Variants in SLC35F3 observed in about 807,000 individuals in gnomAD.
The protein encoded by SLC35F3 is solute carrier family 35 member F3.
SLC35F3 carries 25 observed loss-of-function variants against 49.9 expected under a neutral mutation model. The ratio of observed to expected loss-of-function variants is 0.50; its 90% CI spans 0.37 to 0.70. SLC35F3 has a LOEUF of 0.70. Ranked by LOEUF, SLC35F3 falls within the 30% of genes least tolerant of loss-of-function variation. The probability of loss-of-function intolerance (pLI) is 0.00; values close to 1 mark genes in which losing one functional copy is unlikely to be tolerated. For missense variants in SLC35F3, 525 were observed against 639.8 expected, an observed-to-expected ratio of 0.82 and a Z score of 1.94; for synonymous variants, 275 against 265.4, an observed-to-expected ratio of 1.04 and a Z score of -0.35.
At chr1:234,180,196 C>T (rs1666536454) in intron 2 of SLC35F3, among the ~76,000 whole-genome samples, 2 of 152,174 alleles carry the variant, frequency 1.3e-5, no homozygotes, top group African/African-American at 4.8e-5. Context: ...CACTGTGGGG[C>T]TCTCTGACTT....
intron 2 of SLC35F3, among the ~76,000 whole-genome samples, chr1:234,197,963 C>T (rs939416672): frequency 6.6e-6 from 1 of 152,224 alleles, no homozygotes; most frequent in East Asian, 1.9e-4. Context: ...CAATAAGCTA[C>T]ACAAACTCTG....
At chr1:233,951,920 C>T (rs1182173052) in intron 2 of SLC35F3, among the ~76,000 whole-genome samples, 5 of 151,554 alleles carry the variant, frequency 3.3e-5, no homozygotes, top group Admixed American at 2.0e-4. Context: ...TTACTTTGTT[C>T]ATTATTTGAG....
At chr1:233,926,060 T>C (rs545629562) in intron 2 of SLC35F3, among the ~76,000 whole-genome samples, 91 of 152,340 alleles carry the variant, frequency 6.0e-4, no homozygotes, top group African/African-American at 2.1e-3. Flanking sequence ...CTGGCTGCCC[T>C]TAACATTTTT....
intron 2 of SLC35F3, among the ~76,000 whole-genome samples, chr1:234,097,356 TA>T (rs1439761268): frequency 6.6e-6 from 1 of 152,068 alleles, no homozygotes; most frequent in Non-Finnish European, 1.5e-5. Context: ...AAAAGAAAAT[TA>T]AAAAGATGTC....
chr1:234,238,621 C>G lies in SLC35F3; in HGVS notation c.608+6880C>G, dbSNP rs1001735778. 5.9e-5 allele frequency among the ~76,000 whole-genome samples: 9 copies of G among 152,132 alleles called. No homozygotes were observed. The South Asian group carries it at 1.7e-3, about 28-fold the overall frequency. On this transcript the variant is annotated intron_variant, in intron 3 of 7. Coordinates refer to ENST00000366618, the MANE Select transcript of SLC35F3 (RefSeq NM_173508.4). ...TTATTTTTCCTCTGGCATCTCCCCC[C>G]ACCCCACCACCACATCTCAGTTAAC...
intron 2 of SLC35F3, among the ~76,000 whole-genome samples, chr1:234,182,975 C>T (rs1302677193): frequency 8.4e-6 from 1 of 118,398 alleles, no homozygotes; most frequent in Non-Finnish European, 1.8e-5. Flanking sequence ...TTATAATTTA[C>T]ATTTTTAAAA....
At chr1:234,121,751 C>T (rs12066079) in intron 2 of SLC35F3, among the ~76,000 whole-genome samples, 8,867 of 152,096 alleles carry the variant, frequency 0.058, 863 homozygotes, top group African/African-American at 0.2. Context: ...GTGTGATGTT[C>T]CCTGCCCTGT....
rs577357763 is a variant in SLC35F3 at position 233,939,300 on chromosome 1, A to T, written c.283+33542A>T. 1.1e-4 allele frequency among the ~76,000 whole-genome samples: 16 copies of T among 152,212 alleles called. No individual in the cohort carries two copies. In the East Asian group the frequency reaches 1.2e-3, roughly 11 times the overall value. On this transcript the variant is annotated intron_variant, in intron 2 of 7. Transcript: ENST00000366618. ...CACCCTGTCTGTGCAAAAAAAATTT[A>T]AAAAATTGGTTGGGTATGGAAGCAT... is the stretch of plus-strand genomic sequence containing the variant.
intron 2 of SLC35F3, among the ~76,000 whole-genome samples, chr1:234,100,108 G>A (rs1053978551): frequency 3.3e-5 from 5 of 152,110 alleles, no homozygotes; most frequent in African/African-American, 1.2e-4. Flanking sequence ...TGGGGTTTGT[G>A]GTGCTTATTA....
At chr1:233,977,622 A>G (rs1279287947) in intron 2 of SLC35F3, among the ~76,000 whole-genome samples, 2 of 152,202 alleles carry the variant, frequency 1.3e-5, no homozygotes, top group Admixed American at 6.6e-5. Context: ...TATTGTTGCT[A>G]TGTGCTGATA....
At chr1:234,177,859 G>T (rs7518289) in intron 2 of SLC35F3, among the ~76,000 whole-genome samples, 11,028 of 152,208 alleles carry the variant, frequency 0.072, 1,278 homozygotes, top group African/African-American at 0.25. Context: ...ATCTTAGATA[G>T]TACAGGGCAT....
chr1:234,220,516 G>A (rs1572100862), intron 2 of SLC35F3, among the ~76,000 whole-genome samples: 2 of 152,288 alleles, frequency 1.3e-5, no homozygotes, highest in East Asian at 3.9e-4. Flanking sequence ...GCCTCATTTA[G>A]TCCTCACAAC....
chr1:234,298,053 G>T (rs1473089165), intron 3 of SLC35F3, among the ~76,000 whole-genome samples: 1 of 152,134 alleles, frequency 6.6e-6, no homozygotes, highest in East Asian at 1.9e-4. Context: ...TGGAGTTCAT[G>T]GGTGTGTACT....
chr1:234,080,634 T>C (rs548008806), intron 2 of SLC35F3, among the ~76,000 whole-genome samples: 4 of 152,284 alleles, frequency 2.6e-5, no homozygotes, highest in African/African-American at 9.6e-5. Flanking sequence ...CTGAAAACAT[T>C]ATGATAAGTG....
intron 3 of SLC35F3, among the ~76,000 whole-genome samples, chr1:234,236,963 A>ATATATATATG (rs1478910248): frequency 7.9e-6 from 1 of 127,342 alleles, no homozygotes; most frequent in East Asian, 2.2e-4. Context: ...ATATATATAT[A>ATATATATATG]TGGAGGAAAT....
At chr1:234,252,459 A>G (rs695085) in intron 3 of SLC35F3, among the ~76,000 whole-genome samples, 123,029 of 152,164 alleles carry the variant, frequency 0.81, 50,222 homozygotes, top group African/African-American at 0.92. Flanking sequence ...TCAGCAAAGT[A>G]AGAATCCAAA....
chr1:233,905,836 C>A, intron 2 of SLC35F3, 78 bp downstream of exon 2: 2 of 1,335,604 alleles, frequency 1.5e-6, no homozygotes, highest in South Asian at 1.4e-5. Flanking sequence ...GGGGAGCGCA[C>A]GCAGTGAGGC....
chr1:233,927,472 G>A (rs1662178475), intron 2 of SLC35F3, among the ~76,000 whole-genome samples: 1 of 152,110 alleles, frequency 6.6e-6, no homozygotes, highest in African/African-American at 2.4e-5. Context: ...CATTCTAGCA[G>A]TAATACTCAT....
chr1:234,050,624 A>G (rs892680210), intron 2 of SLC35F3, among the ~76,000 whole-genome samples: 5 of 152,224 alleles, frequency 3.3e-5, no homozygotes, highest in African/African-American at 4.8e-5. Context: ...TTTGCTGTGC[A>G]GAAGCTCTTT....
Sources: gnomAD v4.1 joint callset for allele counts (sites outside exome capture counted in the v4.1 genomes callset) on GRCh38, gnomAD v4.1.1 for gene constraint, MANE v1.5 for transcripts, NCBI Gene and HGNC (gene_info 2026-07-23, HGNC 2026-07-21) for gene names.